Variants in TAOK3 observed in about 807,000 individuals in gnomAD.
The protein encoded by TAOK3 is TAO kinase 3, also known as serine/threonine-protein kinase TAO3.
Under a neutral mutation model 120.4 loss-of-function variants are expected in TAOK3, and 40 were observed. The observed-to-expected ratio is 0.33, with a 90% CI of 0.26 to 0.43. The LOEUF (loss-of-function observed/expected upper bound fraction) is 0.43. Among genes scored for constraint, TAOK3 ranks in the 20% least tolerant of loss-of-function variants. The pLI is 1.00. For missense variants in TAOK3, 821 were observed against 1,112.1 expected, an observed-to-expected ratio of 0.74 and a Z score of 3.72; for synonymous variants, 355 against 387.5, an observed-to-expected ratio of 0.92 and a Z score of 0.99.
chr12:118,183,770 G>A (rs989016729), intron 14 of TAOK3, among the ~76,000 whole-genome samples: 6 of 152,144 alleles, frequency 3.9e-5, no homozygotes, highest in Non-Finnish European at 7.4e-5. Context: ...TTTTAGATAT[G>A]TTTTAGCTAG....
intron 5 of TAOK3, 111 bp from the exon 6 acceptor site, chr12:118,239,383 G>A: frequency 3.2e-6 from 2 of 627,814 alleles, no homozygotes; most frequent in Admixed American, 6.5e-5. Context: ...TAAATATTCT[G>A]ATCTACCCGA....
rs188755809 is a variant in TAOK3, at chr12:118,273,477, T to G, written c.-193-6718A>C. Among the ~76,000 whole-genome samples the G allele has an allele frequency of 1.1e-4, 16 of 150,828 alleles. No homozygotes were observed. In the East Asian group the frequency reaches 3.1e-3, roughly 30 times the overall value. The stretch of plus-strand genomic sequence containing the variant: ...AGATCGGCACCACTGCACTCCAGCC[T>G]GGGTGACAGAGCGAGACTCCGTCTC... On this transcript the variant is annotated intron_variant, in intron 1 of 20. Transcript: ENST00000392533.
At chr12:118,275,977 C>A (rs777281638) in intron 1 of TAOK3, among the ~76,000 whole-genome samples, 1 of 151,860 alleles carries the variant, frequency 6.6e-6, no homozygotes. Flanking sequence ...AGAAGGCCAG[C>A]GTGGGTAAGG....
intron 1 of TAOK3, among the ~76,000 whole-genome samples, chr12:118,268,951 T>C (rs1414958308): frequency 6.6e-6 from 1 of 151,592 alleles, no homozygotes; most frequent in Non-Finnish European, 1.5e-5. Flanking sequence ...GAAGATGGGG[T>C]GAGCCGAGAT....
chr12:118,177,198 T>C lies in TAOK3; in HGVS notation c.1695+3A>G. ...TGGTGAGAACAAACATTGGTATCCT[T>C]ACCTCTTTTATTTTTTCCTTACAAA... On this transcript the variant is annotated splice_donor_region_variant and intron_variant, in intron 16 of 20. Transcript: ENST00000392533. 6.2e-7 allele frequency: 1 copy of C among 1,613,364 alleles called. No individual in the cohort carries two copies. Among genetic ancestry groups the C allele is most frequent in the Non-Finnish European group, 8.5e-7 (1 of 1,179,678 alleles).
intron 1 of TAOK3, among the ~76,000 whole-genome samples, chr12:118,291,919 T>C (rs892982842): frequency 6.6e-6 from 1 of 152,058 alleles, no homozygotes; most frequent in Non-Finnish European, 1.5e-5. Flanking sequence ...GTTCAAGCGA[T>C]TCTCCTGCCT....
rs190590273 is a variant in TAOK3, at chr12:118,252,605, G to A, written c.120+2843C>T. 7.9e-5 allele frequency among the ~76,000 whole-genome samples: 12 copies of A among 152,050 alleles called. No homozygotes were observed. In the East Asian group the frequency reaches 2.3e-3, roughly 29 times the overall value. On this transcript the variant is annotated intron_variant, in intron 3 of 20. Coordinates refer to ENST00000392533, the MANE Select transcript of TAOK3 (RefSeq NM_016281.4). ...CTTTATGTATACTTATAATAAAAACGCTTTGTTAACAAGAGGACCTGAGAC... is the reference window on the plus strand; with the variant it reads ...CTTTATGTATACTTATAATAAAAACACTTTGTTAACAAGAGGACCTGAGAC...
chr12:118,368,941 T>C (rs1026061936), intron 1 of TAOK3, among the ~76,000 whole-genome samples: 3 of 150,240 alleles, frequency 2.0e-5, no homozygotes, highest in African/African-American at 4.9e-5. Flanking sequence ...GATGGATCAC[T>C]TGAGCTCAGG....
rs899434497 is a variant in TAOK3 at position 118,245,941 on chromosome 12, A to C, written c.121-976T>G. ...TTAAGGAATGAGGTAATCTATGTGC[A>C]ATGCAATATGAAAAGATGTTAAAAA... On this transcript the variant is annotated intron_variant, in intron 3 of 20. Transcript: ENST00000392533. 9 of 548,316 alleles carry C rather than the reference A, an allele frequency of 1.6e-5. No homozygotes were observed. In the East Asian group the frequency reaches 2.5e-4, roughly 15 times the overall value. The allele number at this position is 548,316 out of a possible 1,614,324, so 34.0% of individuals were successfully genotyped here.
intron 9 of TAOK3, among the ~76,000 whole-genome samples, chr12:118,215,525 C>T (rs1021854026): frequency 2.6e-5 from 4 of 151,360 alleles, no homozygotes; most frequent in African/African-American, 9.7e-5. Flanking sequence ...AGAACAACAA[C>T]AACAACAAAA....
rs1452442856 is a variant in TAOK3, at chr12:118,161,384, T to G, written c.2139+404A>C. Among the ~76,000 whole-genome samples, 2 of 152,194 alleles carry G rather than the reference T, an allele frequency of 1.3e-5. No individual in the cohort carries two copies. Among genetic ancestry groups the G allele is most frequent in the Non-Finnish European group, 2.9e-5 (2 of 68,036 alleles). ...AGACATCACTAATAAATGACACTCT[T>G]TCCTCCTAAGCTTGGATGTGGCTTT... On this transcript the variant is annotated intron_variant, in intron 18 of 20. Coordinates refer to ENST00000392533, the MANE Select transcript of TAOK3 (RefSeq NM_016281.4). The surrounding 1 kb of genome is among the most constrained non-coding windows in gnomAD (Gnocchi z 4.5).
chr12:118,294,666 C>T (rs2042609241), intron 1 of TAOK3, among the ~76,000 whole-genome samples: 1 of 151,950 alleles, frequency 6.6e-6, no homozygotes, highest in African/African-American at 2.4e-5. Flanking sequence ...TTACCTGCAC[C>T]CAGCCTAGAA....
intron 1 of TAOK3, among the ~76,000 whole-genome samples, chr12:118,340,234 G>A (rs535381985): frequency 4.6e-5 from 7 of 152,274 alleles, no homozygotes; most frequent in African/African-American, 1.7e-4. Flanking sequence ...TAACTATAAT[G>A]TAACAATAAC....
chr12:118,177,232 T>G lies in TAOK3; in HGVS notation c.1664A>C (p.Gln555Pro). 2 of 1,613,896 alleles carry G rather than the reference T, an allele frequency of 1.2e-6. No individual in the cohort carries two copies. Among genetic ancestry groups the G allele is most frequent in the Non-Finnish European group, 1.7e-6 (2 of 1,179,846 alleles). Residue 555 changes from glutamine (Q) to proline (P), a missense_variant, in exon 16 of 21, where the codon CAG (glutamine) becomes CCG (proline). Transcript: ENST00000392533. ...TATTTTTTCCTTACAAATCTTATAC[T>G]GCTTCTTCTGACTTTCTAAGAAAGT... ...LTTFLESQKKQYKICKEKIKE... is the reference protein window; with the variant it reads ...LTTFLESQKKPYKICKEKIKE...
intron 16 of TAOK3, among the ~76,000 whole-genome samples, chr12:118,173,951 G>A (rs2036166037): frequency 6.6e-6 from 1 of 152,232 alleles, no homozygotes; most frequent in Non-Finnish European, 1.5e-5. Flanking sequence ...TTCCAGTGAA[G>A]CTGTAAGTGA....
At chr12:118,218,035 T>A (rs2039024519) in intron 9 of TAOK3, among the ~76,000 whole-genome samples, 2 of 150,812 alleles carry the variant, frequency 1.3e-5, no homozygotes, top group Admixed American at 6.6e-5. Context: ...AATTTTTTTG[T>A]ATTTTTAGTA....
At chr12:118,279,893 G>A (rs1035213622) in intron 1 of TAOK3, among the ~76,000 whole-genome samples, 3 of 149,218 alleles carry the variant, frequency 2.0e-5, no homozygotes, top group African/African-American at 7.4e-5. Context: ...AGCCTCCCAA[G>A]TAGCTGGGAT....
At chr12:118,339,275 C>CCT (rs1491283045) in intron 1 of TAOK3, among the ~76,000 whole-genome samples, 1 of 86,912 alleles carries the variant, frequency 1.2e-5, no homozygotes, top group African/African-American at 5.0e-5. Flanking sequence ...CTTCATCATA[C>CCT]TTTTTTTTTT....
chr12:118,189,493 T>G (rs547696068), intron 14 of TAOK3, among the ~76,000 whole-genome samples: 1 of 150,502 alleles, frequency 6.6e-6, no homozygotes. Context: ...TCAAAGGCCT[T>G]ATATTTTGCA....
Sources: allele counts gnomAD v4.1 joint callset (sites outside exome capture counted in the v4.1 genomes callset), GRCh38; gene constraint gnomAD v4.1.1; non-coding constraint Gnocchi (gnomAD v3.1); transcripts MANE v1.5; gene names NCBI Gene and HGNC (gene_info 2026-07-23, HGNC 2026-07-21).